GRM7: variants seen among roughly 807,000 people sequenced by gnomAD.
GRM7 encodes metabotropic glutamate receptor 7.
A neutral mutation model predicts 84.5 loss-of-function variants in GRM7; 35 were observed. The ratio of observed to expected loss-of-function variants is 0.41; its 90% CI spans 0.32 to 0.55. GRM7 has a LOEUF of 0.55. Ranked by LOEUF, GRM7 falls within the 20% of genes least tolerant of loss-of-function variation. GRM7 has a pLI of 0.19. For synonymous variants in GRM7, 487 were observed against 455.1 expected (o/e 1.07, Z -0.89); for missense variants, 1,003 against 1,194.6 (o/e 0.84, Z 2.36).
chr3:7,731,868 C>T (rs1702344638), intron 9 of GRM7, among the ~76,000 whole-genome samples: 1 of 152,128 alleles, frequency 6.6e-6, no homozygotes, highest in Non-Finnish European at 1.5e-5. Flanking sequence ...CTCAGGAAGA[C>T]AGCTTTGGCC....
chr3:6,890,939 A>G (rs1410473306), intron 1 of GRM7, among the ~76,000 whole-genome samples: 2 of 152,060 alleles, frequency 1.3e-5, no homozygotes, highest in African/African-American at 2.4e-5. Context: ...ATATATATTT[A>G]GGATAGTTAG....
At chr3:7,393,755 C>G (rs951333178) in intron 4 of GRM7, among the ~76,000 whole-genome samples, 1 of 152,144 alleles carries the variant, frequency 6.6e-6, no homozygotes, top group Non-Finnish European at 1.5e-5. Flanking sequence ...TCTTATGTGT[C>G]TCTTATCACA....
chr3:7,215,583 T>C (rs1028133049), intron 2 of GRM7, among the ~76,000 whole-genome samples: 1 of 151,922 alleles, frequency 6.6e-6, no homozygotes, highest in Non-Finnish European at 1.5e-5. Flanking sequence ...AAGAATGGCG[T>C]GAACCCGGGG....
At chr3:7,248,826 T>A (rs1221440974) in intron 2 of GRM7, among the ~76,000 whole-genome samples, 2 of 152,112 alleles carry the variant, frequency 1.3e-5, no homozygotes, top group African/African-American at 4.8e-5. Context: ...AGACAATCAG[T>A]GTGTGGTACC....
intron 4 of GRM7, among the ~76,000 whole-genome samples, chr3:7,350,157 T>A (rs996362683): frequency 5.3e-5 from 8 of 152,134 alleles, no homozygotes; most frequent in African/African-American, 1.9e-4. Flanking sequence ...TTTAAGTATT[T>A]AGGGTGCTTC....
At chr3:7,374,116 C>A (rs934957603) in intron 4 of GRM7, among the ~76,000 whole-genome samples, 5 of 151,970 alleles carry the variant, frequency 3.3e-5, no homozygotes, top group African/African-American at 1.2e-4. Context: ...CCACACAAAA[C>A]AAAGTCCAAG....
intron 4 of GRM7, among the ~76,000 whole-genome samples, chr3:7,376,691 T>G (rs1487496810): frequency 6.6e-6 from 1 of 152,208 alleles, no homozygotes; most frequent in East Asian, 1.9e-4. Flanking sequence ...TATGGCTACT[T>G]TTGCCCTACA....
chr3:7,509,876 C>G (rs147815073), intron 7 of GRM7, among the ~76,000 whole-genome samples: 124 of 152,124 alleles, frequency 8.2e-4, no homozygotes, highest in African/African-American at 2.9e-3. Context: ...ATAGAATCAC[C>G]AGTGAAGGCT....
chr3:7,218,030 C>T (rs541605760), intron 2 of GRM7, among the ~76,000 whole-genome samples: 68 of 152,034 alleles, frequency 4.5e-4, no homozygotes, highest in East Asian at 7.7e-4. Flanking sequence ...ATTTAGCCAA[C>T]CTTTGCTGTT....
intron 8 of GRM7, among the ~76,000 whole-genome samples, chr3:7,580,928 A>G (rs1404695968): frequency 6.6e-6 from 1 of 152,156 alleles, no homozygotes; most frequent in African/African-American, 2.4e-5. Context: ...GTAAGTTGAT[A>G]ACTATTGAAC....
At chr3:7,018,510 A>C (rs753423737) in intron 1 of GRM7, among the ~76,000 whole-genome samples, 1 of 152,256 alleles carries the variant, frequency 6.6e-6, no homozygotes, top group Non-Finnish European at 1.5e-5. Context: ...TAACTGCCCC[A>C]TACTGTACTT....
intron 8 of GRM7, chr3:7,636,377 A>G (rs1559454391): frequency 2.2e-6 from 1 of 450,084 alleles, no homozygotes; most frequent in Non-Finnish European, 4.5e-6. Context: ...TGAGCATCTA[A>G]TGGTGCCTGG....
At chr3:7,482,541 G>A (rs774304955) in intron 7 of GRM7, among the ~76,000 whole-genome samples, 6 of 152,190 alleles carry the variant, frequency 3.9e-5, no homozygotes, top group Admixed American at 2.0e-4. Context: ...TGTCCTTAGA[G>A]AGCGAGTTAT....
At chr3:7,372,915 T>C (rs1168070421) in intron 4 of GRM7, among the ~76,000 whole-genome samples, 2 of 152,146 alleles carry the variant, frequency 1.3e-5, no homozygotes, top group African/African-American at 4.8e-5. Context: ...GCAGTATATT[T>C]TCTCTCTTTA....
At chr3:7,298,246 A>T (rs1699878195) in intron 2 of GRM7, among the ~76,000 whole-genome samples, 1 of 152,132 alleles carries the variant, frequency 6.6e-6, no homozygotes, top group African/African-American at 2.4e-5. Flanking sequence ...AAAGGGAAAA[A>T]ATTCTGGGAA....
At chr3:7,491,521 T>G (rs1179098894) in intron 7 of GRM7, among the ~76,000 whole-genome samples, 6 of 152,212 alleles carry the variant, frequency 3.9e-5, no homozygotes, top group Non-Finnish European at 7.3e-5. Context: ...GTGTATGGCA[T>G]TGCCCTGGGC....
chr3:7,696,971 C>T (rs1020825510), intron 9 of GRM7, among the ~76,000 whole-genome samples: 1 of 152,102 alleles, frequency 6.6e-6, no homozygotes, highest in Non-Finnish European at 1.5e-5. Flanking sequence ...TTCTATCAAT[C>T]GGGTTGAGTA....
intron 9 of GRM7, among the ~76,000 whole-genome samples, chr3:7,720,081 C>G (rs1193569530): frequency 6.6e-6 from 1 of 152,066 alleles, no homozygotes; most frequent in African/African-American, 2.4e-5. Context: ...ACACTGGATC[C>G]TCCCAACAAT....
intron 8 of GRM7, among the ~76,000 whole-genome samples, chr3:7,673,985 A>C (rs927870159): frequency 2.0e-5 from 3 of 152,190 alleles, no homozygotes; most frequent in Non-Finnish European, 4.4e-5. Context: ...CCATAACTTC[A>C]GAAAGGGGCA....
Sources: allele counts gnomAD v4.1 joint callset (sites outside exome capture counted in the v4.1 genomes callset), GRCh38; gene constraint gnomAD v4.1.1; transcripts MANE v1.5; gene names NCBI Gene and HGNC (gene_info 2026-07-23, HGNC 2026-07-21).